Variants in SNCAIP observed in about 807,000 individuals in gnomAD.
The protein encoded by SNCAIP is synphilin-1.
Under a neutral mutation model 86.7 loss-of-function variants are expected in SNCAIP, and 43 were observed. The ratio of observed to expected loss-of-function variants is 0.50; its 90% confidence interval spans 0.39 to 0.64. The LOEUF (loss-of-function observed/expected upper bound fraction) is 0.64, where lower values mean the gene tolerates loss of function less well. SNCAIP is among the 30% of genes least tolerant of loss of function. The pLI, the probability that SNCAIP is intolerant of heterozygous loss-of-function variation, is 0.00. For synonymous variants in SNCAIP, 417 were observed against 427.2 expected (o/e 0.98, Z 0.29); for missense variants, 981 against 1,103.1 (o/e 0.89, Z 1.57).
intron 1 of SNCAIP, among the ~76,000 whole-genome samples, chr5:122,386,397 G>A (rs1768134271): frequency 6.6e-6 from 1 of 152,180 alleles, no homozygotes; most frequent in African/African-American, 2.4e-5. Context: ...TCTTGAGAAG[G>A]TGACATGGTG....
rs1014120501 is a variant in SNCAIP, at chr5:122,434,822, C to T, written c.1296+2740C>T. Among the ~76,000 whole-genome samples the T allele has an allele frequency of 1.3e-4, 20 of 152,226 alleles. 1 individual carries two copies. Among genetic ancestry groups the T allele is most frequent in the East Asian group, 3.9e-4 (2 of 5,170 alleles). ...TTTCACAAGGAAGACTGTTATTGAA[C>T]GGTTTTCTAATGGATTCAGCATATG... On this transcript the variant is annotated intron_variant, in intron 6 of 10. Transcript: ENST00000261368.
chr5:122,395,435 C>T (rs1315788634), intron 2 of SNCAIP, among the ~76,000 whole-genome samples: 1 of 152,096 alleles, frequency 6.6e-6, no homozygotes. Context: ...ATTTTTTGTA[C>T]AGGTCAAATG....
intron 5 of SNCAIP, among the ~76,000 whole-genome samples, chr5:122,428,648 A>T (rs1376236586): frequency 1.3e-5 from 2 of 151,184 alleles, no homozygotes; most frequent in Non-Finnish European, 2.9e-5. Flanking sequence ...CAACATGCAG[A>T]TTTGTTACAC....
chr5:122,319,197 CA>C (rs1277366374), intron 1 of SNCAIP, among the ~76,000 whole-genome samples: 1 of 151,168 alleles, frequency 6.6e-6, no homozygotes, highest in Non-Finnish European at 1.5e-5. Context: ...GAGAATAAAA[CA>C]TTATAGCTGC....
intron 1 of SNCAIP, among the ~76,000 whole-genome samples, chr5:122,382,357 T>A (rs1182784453): frequency 6.6e-6 from 1 of 152,388 alleles, no homozygotes; most frequent in South Asian, 2.1e-4. Flanking sequence ...TTCTGCATTC[T>A]TCACGTAATT....
intron 1 of SNCAIP, chr5:122,389,084 A>G (rs182916697): frequency 3.0e-4 from 45 of 152,334 alleles, no homozygotes; most frequent in African/African-American, 1.1e-3. Context: ...CGCTGGTTAT[A>G]TTCTATTGGA....
intron 1 of SNCAIP, among the ~76,000 whole-genome samples, chr5:122,373,992 T>C (rs1172763551): frequency 6.6e-6 from 1 of 152,196 alleles, no homozygotes; most frequent in African/African-American, 2.4e-5. Flanking sequence ...ATGATACAGA[T>C]CCCTTGTCTA....
intron 5 of SNCAIP, among the ~76,000 whole-genome samples, 194 bp from the exon 6 acceptor site, chr5:122,431,775 C>A (rs1778451103): frequency 1.3e-5 from 2 of 151,980 alleles, no homozygotes; most frequent in African/African-American, 4.8e-5. Context: ...AATAAAAATT[C>A]TGCAATTGAT....
chr5:122,463,863 C>G lies in SNCAIP; in HGVS notation c.*367C>G. 1 of 235,690 alleles carries G rather than the reference C, an allele frequency of 4.2e-6. No individual in the cohort carries two copies. Among genetic ancestry groups the G allele is most frequent in the Non-Finnish European group, 8.2e-6 (1 of 121,760 alleles). The allele number at this position is 235,690 out of a possible 1,614,324, so 14.6% of individuals were successfully genotyped here. On this transcript the variant is annotated 3_prime_UTR_variant, in exon 11 of 11. Transcript: ENST00000261368. ...TACCCACAGGACATTCACCAAGCCA[C>G]TGATACCATTTTATATTTCATCAAT...
At chr5:122,370,923 A>G (rs1043216740) in intron 1 of SNCAIP, among the ~76,000 whole-genome samples, 2 of 152,134 alleles carry the variant, frequency 1.3e-5, no homozygotes, top group Non-Finnish European at 2.9e-5. Context: ...CACTTAGACA[A>G]TTTCTCAATT....
rs544413149 is a variant in SNCAIP, at chr5:122,353,521, A to G, written c.-46-37568A>G. 1.7e-3 allele frequency among the ~76,000 whole-genome samples: 264 copies of G among 151,654 alleles called. 1 individual carries two copies. The highest frequency in any genetic ancestry group is 5.0e-3 in the South Asian group (24 of 4,792). On this transcript the variant is annotated intron_variant, in intron 1 of 10. Coordinates refer to ENST00000261368, the MANE Select transcript of SNCAIP (RefSeq NM_005460.4). ...TGCCCCCACCCAAATCTCATCTTGA[A>G]TTGGAGCTCCCACAATTCCCACATG...
intron 2 of SNCAIP, among the ~76,000 whole-genome samples, chr5:122,401,406 G>A (rs1275821230): frequency 6.6e-6 from 1 of 152,252 alleles, no homozygotes; most frequent in East Asian, 1.9e-4. Flanking sequence ...AAGGAGCAAT[G>A]TTTATACTTA....
chr5:122,440,565 C>G, intron 6 of SNCAIP, 64 bp from the exon 7 acceptor site: 2 of 1,505,254 alleles, frequency 1.3e-6, no homozygotes, highest in South Asian at 1.1e-5. Context: ...TTGTTTTCCT[C>G]TGTCTTTTTA....
At chr5:122,394,110 A>T (rs1217261539) in intron 2 of SNCAIP, among the ~76,000 whole-genome samples, 1 of 152,122 alleles carries the variant, frequency 6.6e-6, no homozygotes, top group Non-Finnish European at 1.5e-5. Context: ...TGATACCAGA[A>T]ACCTCCATCT....
In SNCAIP at chr5:122,334,861, A is replaced by G. The variant is rs1000735781; in HGVS notation, c.-47+22577A>G. 7.2e-5 allele frequency among the ~76,000 whole-genome samples: 11 copies of G among 152,240 alleles called. No individual in the cohort carries two copies. The East Asian group carries it at 1.3e-3, about 19-fold the overall frequency. On this transcript the variant is annotated intron_variant, in intron 1 of 10. Transcript: ENST00000261368. ...TGGATAAGTGTCCAGTAATTTGTGT[A>G]TTATTCCTTCAATCTAGGCCTCTTG... is the stretch of plus-strand genomic sequence containing the variant.
At chr5:122,418,892 A>G (rs1775830296) in intron 3 of SNCAIP, among the ~76,000 whole-genome samples, 1 of 152,186 alleles carries the variant, frequency 6.6e-6, no homozygotes, top group Non-Finnish European at 1.5e-5. Context: ...CTGAAAAAAG[A>G]GACCAGGGGA....
chr5:122,330,748 G>A (rs1033281101), intron 1 of SNCAIP, among the ~76,000 whole-genome samples: 11 of 152,074 alleles, frequency 7.2e-5, no homozygotes, highest in African/African-American at 2.4e-4. Context: ...TTCCATAGTT[G>A]GGGGAGGGGA....
Position 122,391,483 on chromosome 5 carries a change from G to A in SNCAIP, c.57+292G>A, listed in dbSNP as rs114968132. 1.4e-3 allele frequency among the ~76,000 whole-genome samples: 209 copies of A among 152,302 alleles called. 1 individual carries two copies. Among genetic ancestry groups the A allele is most frequent in the African/African-American group, 4.5e-3 (189 of 41,562 alleles). ...TATTGATTGAGTATACTTACAAAAT[G>A]CAGCCACTTTCATAGAGTTAATTCC... On this transcript the variant is annotated intron_variant, in intron 2 of 10. Transcript: ENST00000261368.
At chr5:122,354,940 C>T (rs1482566691) in intron 1 of SNCAIP, among the ~76,000 whole-genome samples, 1 of 151,996 alleles carries the variant, frequency 6.6e-6, no homozygotes, top group Non-Finnish European at 1.5e-5. Flanking sequence ...GTTTGTTTTT[C>T]TAGGCATCAC....
Sources: gnomAD v4.1 joint callset for allele counts (sites outside exome capture counted in the v4.1 genomes callset) on GRCh38, gnomAD v4.1.1 for gene constraint, MANE v1.5 for transcripts, NCBI Gene and HGNC (gene_info 2026-07-23, HGNC 2026-07-21) for gene names.